Variants in MUC5AC observed in about 807,000 individuals in gnomAD.
The protein encoded by MUC5AC is mucin-5AC.
In MUC5AC, 158 loss-of-function variants were observed where a neutral mutation model predicts 169.7. The observed-to-expected ratio is 0.93, with a 90% confidence interval of 0.82 to 1.06. The LOEUF is 1.06. Ranked by LOEUF, MUC5AC falls within the 50% of genes least tolerant of loss-of-function variation. The pLI, the probability that MUC5AC is intolerant of heterozygous loss-of-function variation, is 0.00. For synonymous variants in MUC5AC, 1,975 were observed against 1,237.0 expected (o/e 1.60, Z -12.52); for missense variants, 4,359 against 3,089.9 (o/e 1.41, Z -9.74).
Position 1,180,087 on chromosome 11 carries a change from C to G in MUC5AC, c.3550C>G (p.Pro1184Ala). ...CEWHYQPCGV[P>A]CLRTCRNPRG... ...GTGGCACTACCAGCCCTGCGGGGTG[C>G]CCTGCCTGCGCACCTGCCGGAACCC... The change falls in exon 27 of 49, where the codon CCC (proline) becomes GCC (alanine). Residue 1184 changes from proline (P) to alanine (A), a missense_variant. Pro to Ala is a conservative substitution (Grantham distance 27). Transcript: ENST00000621226. The G allele has an allele frequency of 2.5e-6, 1 of 399,136 alleles. No homozygotes were observed. The highest frequency in any genetic ancestry group is 4.4e-6 in the Non-Finnish European group (1 of 226,194). The allele number at this position is 399,136 out of a possible 1,614,324, so 24.7% of individuals were successfully genotyped here.
chr11:1,193,631 T>C lies in MUC5AC; in HGVS notation c.14727T>C (p.Asp4909=), dbSNP rs1456681999. The part of the protein sequence containing the change: ...GYPAVKVADQ[D]GCCHHYQCQC... ...CGGCTGTGAAGGTGGCTGACCAAGA[T>C]GGCTGCTGCCATCACTACCAGTGCC... The change falls in exon 33 of 49, where the codon GAT becomes GAC. Residue 4909 remains aspartate (D), a synonymous_variant. Transcript: ENST00000621226. The C allele has an allele frequency of 1.3e-6, 1 of 764,846 alleles. No homozygotes were observed. Among genetic ancestry groups the C allele is most frequent in the Non-Finnish European group, 2.4e-6 (1 of 417,840 alleles). The allele number at this position is 764,846 out of a possible 1,614,324, so 47.4% of individuals were successfully genotyped here. A position where few individuals can be genotyped will look rare whatever the true frequency, so the allele number is the denominator to read the frequency against.
chr11:1,165,567 C>T, intron 10 of MUC5AC, 55 bp from the exon 11 acceptor site: 1 of 1,605,126 alleles, frequency 6.2e-7, no homozygotes, highest in Admixed American at 1.7e-5. Context: ...GACGCGGAGG[C>T]TGGAGGCTGG....
In MUC5AC at chr11:1,199,877, TAGG is replaced by T; in HGVS notation, c.16611_16613del (p.Arg5537del). The T allele has an allele frequency of 1.3e-6, 1 of 764,382 alleles. No individual in the cohort carries two copies. 47.3% of individuals were successfully genotyped at this position (764,382 alleles called of 1,614,324 possible). A position where few individuals can be genotyped will look rare whatever the true frequency, so the allele number is the denominator to read the frequency against. ...CAGAGTCGACCTGTGCTGTGTACCATAGGAGCCTGATCATCCAGCAGCAGGGCT... is the reference window on the plus strand; with the variant it reads ...CAGAGTCGACCTGTGCTGTGTACCATAGCCTGATCATCCAGCAGCAGGGCT... On this transcript the variant is annotated inframe_deletion, in exon 48 of 49. Transcript: ENST00000621226.
At chr11:1,171,308 A>C in intron 15 of MUC5AC, among the ~76,000 whole-genome samples, 1 of 119,276 alleles carries the variant, frequency 8.4e-6, no homozygotes, top group Non-Finnish European at 1.7e-5. Flanking sequence ...TCACTCACCT[A>C]CTCACTCAGT....
In MUC5AC at chr11:1,188,211, T is replaced by C; in HGVS notation, c.10066T>C (p.Ser3356Pro). 2.9e-6 allele frequency: 2 copies of C among 681,376 alleles called. No homozygotes were observed. Among genetic ancestry groups the C allele is most frequent in the Middle Eastern group, 2.4e-4 (1 of 4,240 alleles). The allele number at this position is 681,376 out of a possible 1,614,324, so 42.2% of individuals were successfully genotyped here. A position where few individuals can be genotyped will look rare whatever the true frequency, so the allele number is the denominator to read the frequency against. Residue 3356 changes from serine to proline, a missense_variant, in exon 31 of 49, where the codon TCC becomes CCC. By Grantham distance (74) the Ser-to-Pro change is moderately conservative. Coordinates refer to ENST00000621226, the MANE Select transcript of MUC5AC (RefSeq NM_001304359.2). ...TCAGAGCACTTCCTCTTGGCAGAAA[T>C]CCAGGACAACCACTTTGGTGACAAC... Reference protein sequence around the residue: ...PTQSTSSWQKSRTTTLVTTST... With the variant: ...PTQSTSSWQKPRTTTLVTTST...
At chr11:1,159,233 C>T (rs1037443950) in intron 1 of MUC5AC, among the ~76,000 whole-genome samples, 19 of 152,238 alleles carry the variant, frequency 1.2e-4, no homozygotes, top group Non-Finnish European at 1.3e-4. Flanking sequence ...GCCTGAGGAC[C>T]CCTATGCCAG....
rs1861107777 is a variant in MUC5AC, at chr11:1,191,740, C to T, written c.13595C>T (p.Ala4532Val). 4.1e-6 allele frequency: 3 copies of T among 730,148 alleles called. No individual in the cohort carries two copies. The highest frequency in any genetic ancestry group is 1.8e-5 in the African/African-American group (1 of 55,606). 45.2% of individuals were successfully genotyped at this position (730,148 alleles called of 1,614,324 possible). The change falls in exon 31 of 49, where the codon GCC becomes GTC. Residue 4532 changes from alanine to valine, a missense_variant. Coordinates refer to ENST00000621226, the MANE Select transcript of MUC5AC (RefSeq NM_001304359.2). ...GCTCCTACAACCAGCACAACCTCTGCCTCTACAGCCAGCACAACCTCTGGT... is the reference window on the plus strand; with the variant it reads ...GCTCCTACAACCAGCACAACCTCTGTCTCTACAGCCAGCACAACCTCTGGT... ...TSAPTTSTTS[A>V]STASTTSGPG...
Position 1,195,105 on chromosome 11 carries a change from G to A in MUC5AC, c.15284G>A (p.Ser5095Asn), listed in dbSNP as rs1450513564. ...GAGATGTCCGGCCTCTGGAACGTGAGCATACCCGACCAGCCAGCCTGCCAC... is the reference window on the plus strand; with the variant it reads ...GAGATGTCCGGCCTCTGGAACGTGAACATACCCGACCAGCCAGCCTGCCAC... ...CSEMSGLWNV[S>N]IPDQPACHRP... The change falls in exon 36 of 49, where the codon AGC becomes AAC. Residue 5095 changes from serine (S) to asparagine (N), a missense_variant. Coordinates refer to ENST00000621226, the MANE Select transcript of MUC5AC (RefSeq NM_001304359.2). 1 of 763,416 alleles carries A rather than the reference G, an allele frequency of 1.3e-6. No individual in the cohort carries two copies. The highest frequency in any genetic ancestry group is 1.7e-5 in the African/African-American group (1 of 59,122). The allele number at this position is 763,416 out of a possible 1,614,324, so 47.3% of individuals were successfully genotyped here.
chr11:1,192,732 C>T, intron 31 of MUC5AC, 51 bp from the exon 32 acceptor site: 9 of 704,360 alleles, frequency 1.3e-5, no homozygotes, highest in Admixed American at 8.2e-5. Context: ...TTTTTTGCTT[C>T]TCCTTTGAGC....
rs753646406 is a variant in MUC5AC, at chr11:1,199,396, G to A, written c.16421G>A (p.Gly5474Glu). 2 of 724,724 alleles carry A rather than the reference G, an allele frequency of 2.8e-6. No individual in the cohort carries two copies. Among genetic ancestry groups the A allele is most frequent in the Non-Finnish European group, 5.0e-6 (2 of 397,606 alleles). 44.9% of individuals were successfully genotyped at this position (724,724 alleles called of 1,614,324 possible). A position where few individuals can be genotyped will look rare whatever the true frequency, so the allele number is the denominator to read the frequency against. ...CCCGGCGAGACCTGGTCAGACGCAG[G>A]GAACCACTGTGTGACCCACCAGTGT... Reference protein sequence around the residue: ...FYPGETWSDAGNHCVTHQCEK... With the variant: ...FYPGETWSDAENHCVTHQCEK... The change falls in exon 46 of 49, where the codon GGG (glycine) becomes GAG (glutamate). Residue 5474 changes from glycine to glutamate, a missense_variant. Coordinates refer to ENST00000621226, the MANE Select transcript of MUC5AC (RefSeq NM_001304359.2).
chr11:1,180,167 C>CG lies in MUC5AC; in HGVS notation c.3613+19dup, dbSNP rs1489351019. On this transcript the variant is annotated intron_variant, in intron 27 of 48. Coordinates refer to ENST00000621226, the MANE Select transcript of MUC5AC (RefSeq NM_001304359.2). ...GCCTGGAAGGTGGGCTGGGGCCGGT[C>CG]GGAGGGTGGCCTGGGCTCCGCCGCC... 398,361 of 398,382 alleles carry CG rather than the reference C, an allele frequency of 1. 199,170 individuals carry two copies. The highest frequency in any genetic ancestry group is 1 in the Middle Eastern group (1,594 of 1,594). The allele number at this position is 398,382 out of a possible 1,614,324, so 24.7% of individuals were successfully genotyped here.
chr11:1,178,406 T>C (rs940336985), intron 24 of MUC5AC, 38 bp from the exon 25 acceptor site: 26 of 474,284 alleles, frequency 5.5e-5, no homozygotes, highest in Non-Finnish European at 8.6e-5. Flanking sequence ...CTTCTCGGTT[T>C]GCTGCACCCA....
In MUC5AC at chr11:1,179,159, G is replaced by A. The variant is rs1590142460; in HGVS notation, c.3395G>A (p.Cys1132Tyr). 4 of 680,956 alleles carry A rather than the reference G, an allele frequency of 5.9e-6. No individual in the cohort carries two copies. In the East Asian group the frequency reaches 1.1e-4, roughly 18 times the overall value. The allele number at this position is 680,956 out of a possible 1,614,324, so 42.2% of individuals were successfully genotyped here. A position where few individuals can be genotyped will look rare whatever the true frequency, so the allele number is the denominator to read the frequency against. The change falls in exon 26 of 49, where the codon TGC becomes TAC. Residue 1132 changes from cysteine to tyrosine, a missense_variant. Transcript: ENST00000621226. ...DACACDSGGD[C>Y]ECFCTAVAAY... is the part of the protein sequence containing the mutation. Reference sequence around the variant, plus strand: ...TGCGCCTGCGACTCCGGGGGTGACTGCGAGTGCTTCTGCACGGCTGTGGCC... The same window carrying A: ...TGCGCCTGCGACTCCGGGGGTGACTACGAGTGCTTCTGCACGGCTGTGGCC...
Position 1,199,958 on chromosome 11 carries a change from C to A in MUC5AC, c.16689C>A (p.Asp5563Glu). ...RLAYCRGNCG[D>E]SSSMYSLEGN... Reference sequence around the variant, plus strand: ...CTTACTGCCGGGGGAACTGTGGGGACAGCTCTTCCATGTACGTGCCTGGGC... The same window carrying A: ...CTTACTGCCGGGGGAACTGTGGGGAAAGCTCTTCCATGTACGTGCCTGGGC... The change falls in exon 48 of 49, where the codon GAC (aspartate) becomes GAA (glutamate). Residue 5563 changes from aspartate to glutamate, a missense_variant. Physicochemically the swap from Asp to Glu is conservative, Grantham distance 45. Coordinates refer to ENST00000621226, the MANE Select transcript of MUC5AC (RefSeq NM_001304359.2). 1.3e-6 allele frequency: 1 copy of A among 762,606 alleles called. No homozygotes were observed. The highest frequency in any genetic ancestry group is 1.7e-5 in the Admixed American group (1 of 58,698). The allele number at this position is 762,606 out of a possible 1,614,324, so 47.2% of individuals were successfully genotyped here.
rs76100206 is a variant in MUC5AC, at chr11:1,196,045, C to T, written c.15628C>T (p.His5210Tyr). 151 of 764,218 alleles carry T rather than the reference C, an allele frequency of 2.0e-4. No homozygotes were observed. Among genetic ancestry groups the T allele is most frequent in the South Asian group, 5.2e-4 (39 of 74,518 alleles). The allele number at this position is 764,218 out of a possible 1,614,324, so 47.3% of individuals were successfully genotyped here. Residue 5210 changes from histidine (H) to tyrosine (Y), a missense_variant, in exon 37 of 49, where the codon CAC (histidine) becomes TAC (tyrosine). Transcript: ENST00000621226. The part of the protein sequence containing the change: ...ICIDWRGRTG[H>Y]MCPFTCPADK... ...CATCGATTGGAGAGGCCGGACCGGC[C>T]ACATGTGCCGTGAGTGCCACCACTG...
intron 2 of MUC5AC, among the ~76,000 whole-genome samples, 190 bp downstream of exon 2, chr11:1,160,879 G>T (rs1368566064): frequency 6.6e-6 from 1 of 152,208 alleles, no homozygotes; most frequent in East Asian, 1.9e-4. Flanking sequence ...CCTCTCCTTG[G>T]GCCAGCCCCC....
chr11:1,197,038 C>T, intron 40 of MUC5AC, 130 bp downstream of exon 40: 2 of 643,400 alleles, frequency 3.1e-6, no homozygotes, highest in Non-Finnish European at 5.6e-6. Context: ...TGTCAGAGGC[C>T]CAGAGAAAGG....
In MUC5AC at chr11:1,183,279, G is replaced by C; in HGVS notation, c.5134G>C (p.Ala1712Pro). 4.8e-6 allele frequency: 2 copies of C among 416,264 alleles called. No individual in the cohort carries two copies. Among genetic ancestry groups the C allele is most frequent in the Non-Finnish European group, 8.0e-6 (2 of 249,518 alleles). 25.8% of individuals were successfully genotyped at this position (416,264 alleles called of 1,614,324 possible). Residue 1712 changes from alanine (A) to proline (P), a missense_variant, in exon 31 of 49, where the codon GCC becomes CCC. By Grantham distance (27) the Ala-to-Pro change is conservative. Coordinates refer to ENST00000621226, the MANE Select transcript of MUC5AC (RefSeq NM_001304359.2). ...QTTFTTHMPSASTEQPTATSR... is the reference protein window; with the variant it reads ...QTTFTTHMPSPSTEQPTATSR... ...CACCTTCACCACACACATGCCCTCG[G>C]CCTCCACAGAGCAACCCACGGCAAC... is the stretch of plus-strand genomic sequence containing the variant.
intron 30 of MUC5AC, among the ~76,000 whole-genome samples, 176 bp from the exon 31 acceptor site, chr11:1,181,979 C>T (rs1313603419): frequency 4.6e-5 from 7 of 152,204 alleles, no homozygotes; most frequent in African/African-American, 7.2e-5. Context: ...TCAGTCGGTT[C>T]GCCTGGCTCT....
Sources: gnomAD v4.1 joint callset for allele counts (sites outside exome capture counted in the v4.1 genomes callset) on GRCh38, gnomAD v4.1.1 for gene constraint, MANE v1.5 for transcripts, NCBI Gene and HGNC (gene_info 2026-07-23, HGNC 2026-07-21) for gene names.